Variants in CNTN4 observed in about 807,000 individuals in gnomAD.
CNTN4 encodes the protein contactin 4.
In CNTN4, 77 loss-of-function variants were observed where a neutral mutation model predicts 122.5. The ratio of observed to expected loss-of-function variants is 0.63; its 90% confidence interval spans 0.52 to 0.76. CNTN4 has a LOEUF of 0.76. Among genes scored for constraint, CNTN4 ranks in the 30% least tolerant of loss-of-function variants. The probability of loss-of-function intolerance (pLI) is 0.00; values close to 1 mark genes in which losing one functional copy is unlikely to be tolerated. For synonymous variants in CNTN4, 512 were observed against 447.0 expected, an observed-to-expected ratio of 1.15 and a Z score of -1.83; for missense variants, 1,256 against 1,259.1, an observed-to-expected ratio of 1.00 and a Z score of 0.04.
At chr3:3,003,384 A>G (rs945776088) in intron 14 of CNTN4, among the ~76,000 whole-genome samples, 1 of 152,190 alleles carries the variant, frequency 6.6e-6, no homozygotes, top group Non-Finnish European at 1.5e-5. Flanking sequence ...TGGTGTATCC[A>G]TACAATGGAC....
At chr3:2,786,700 A>G (rs924734173) in intron 6 of CNTN4, among the ~76,000 whole-genome samples, 2 of 152,340 alleles carry the variant, frequency 1.3e-5, no homozygotes, top group East Asian at 3.9e-4. Context: ...ATTTTTTTAA[A>G]AAGCTTCTAC....
At chr3:2,326,330 A>T (rs1365946792) in intron 2 of CNTN4, among the ~76,000 whole-genome samples, 1 of 152,138 alleles carries the variant, frequency 6.6e-6, no homozygotes. Context: ...CAGACTGGAA[A>T]TACAGCATCT....
chr3:2,624,366 A>C (rs891982357), intron 4 of CNTN4, among the ~76,000 whole-genome samples: 26 of 152,120 alleles, frequency 1.7e-4, no homozygotes, highest in Non-Finnish European at 3.4e-4. Flanking sequence ...AGAAAGCTTG[A>C]GAGAGAAAAA....
chr3:2,673,025 A>G (rs1442547346), intron 4 of CNTN4, among the ~76,000 whole-genome samples: 1 of 152,196 alleles, frequency 6.6e-6, no homozygotes, highest in Non-Finnish European at 1.5e-5. Context: ...CCGGTTTCCA[A>G]AATATTTTTG....
intron 6 of CNTN4, among the ~76,000 whole-genome samples, chr3:2,816,561 G>C (rs889672040): frequency 6.6e-6 from 1 of 151,568 alleles, no homozygotes; most frequent in Non-Finnish European, 1.5e-5. Context: ...GGTGACTCAT[G>C]CCTGTAATTC....
intron 12 of CNTN4, among the ~76,000 whole-genome samples, chr3:2,911,708 A>T (rs1418490483): frequency 3.0e-5 from 4 of 132,682 alleles, no homozygotes; most frequent in Admixed American, 7.8e-5. Flanking sequence ...TGCATGAACA[A>T]AATGAGAGTA....
intron 2 of CNTN4, among the ~76,000 whole-genome samples, chr3:2,158,934 C>T (rs951329492): frequency 2.0e-5 from 3 of 152,098 alleles, no homozygotes; most frequent in Admixed American, 2.0e-4. Context: ...GTGTAAGCAT[C>T]GTTGGTGGGC....
At chr3:2,735,129 G>A (rs942969070) in intron 4 of CNTN4, among the ~76,000 whole-genome samples, 25 of 152,166 alleles carry the variant, frequency 1.6e-4, no homozygotes, top group African/African-American at 5.8e-4. Flanking sequence ...GGAAAATAAA[G>A]TGTACTCTAT....
At chr3:2,251,670 A>G (rs997533243) in intron 2 of CNTN4, among the ~76,000 whole-genome samples, 3 of 151,866 alleles carry the variant, frequency 2.0e-5, no homozygotes, top group Non-Finnish European at 2.9e-5. Context: ...GTAGTCTCTT[A>G]GGGTGGCATG....
chr3:2,633,090 A>T (rs112876603), intron 4 of CNTN4, among the ~76,000 whole-genome samples: 2,151 of 151,838 alleles, frequency 0.014, 63 homozygotes, highest in African/African-American at 0.049. Flanking sequence ...GATTTTTATA[A>T]ATAGTCTTCT....
chr3:2,570,243 G>A (rs1023452581), intron 3 of CNTN4, among the ~76,000 whole-genome samples: 5 of 151,762 alleles, frequency 3.3e-5, no homozygotes, highest in African/African-American at 1.2e-4. Context: ...GAGTGATTAT[G>A]GCTCACTGCA....
At chr3:2,485,762 C>T (rs988880712) in intron 3 of CNTN4, among the ~76,000 whole-genome samples, 12 of 152,144 alleles carry the variant, frequency 7.9e-5, no homozygotes, top group African/African-American at 2.9e-4. Flanking sequence ...AATCAGTGCT[C>T]TGTGTCTAGC....
At chr3:2,784,280 C>A (rs2091722709) in intron 6 of CNTN4, among the ~76,000 whole-genome samples, 1 of 152,166 alleles carries the variant, frequency 6.6e-6, no homozygotes, top group African/African-American at 2.4e-5. Flanking sequence ...TGTGTTCTCC[C>A]TTACCGCCTA....
chr3:2,670,855 C>A (rs2084469433), intron 4 of CNTN4, among the ~76,000 whole-genome samples: 1 of 152,148 alleles, frequency 6.6e-6, no homozygotes, highest in Admixed American at 6.5e-5. Context: ...ACTTATGAAG[C>A]TTAGTTTGGC....
chr3:2,787,490 A>T (rs1480586232), intron 6 of CNTN4, among the ~76,000 whole-genome samples: 1 of 152,238 alleles, frequency 6.6e-6, no homozygotes, highest in Non-Finnish European at 1.5e-5. Flanking sequence ...TACCGGAATT[A>T]TTGCTATAAA....
intron 2 of CNTN4, among the ~76,000 whole-genome samples, chr3:2,116,014 G>C (rs2033325804): frequency 6.6e-6 from 1 of 152,110 alleles, no homozygotes; most frequent in African/African-American, 2.4e-5. Context: ...TTTCTCGAAG[G>C]TGCTTTATAG....
intron 7 of CNTN4, among the ~76,000 whole-genome samples, chr3:2,840,141 C>G (rs568968941): frequency 1.4e-4 from 21 of 152,226 alleles, no homozygotes; most frequent in Admixed American, 1.2e-3. Context: ...CATTTGCAGT[C>G]CTTCCAGCCA....
chr3:2,672,438 T>G (rs1032786995), intron 4 of CNTN4, among the ~76,000 whole-genome samples: 1 of 152,202 alleles, frequency 6.6e-6, no homozygotes, highest in African/African-American at 2.4e-5. Flanking sequence ...ATCTCCTGGT[T>G]TGCTGTTTTC....
chr3:2,566,847 C>G (rs1273139306), intron 3 of CNTN4, among the ~76,000 whole-genome samples: 1 of 152,132 alleles, frequency 6.6e-6, no homozygotes, highest in Non-Finnish European at 1.5e-5. Context: ...CCCACTCTGT[C>G]TTGCTGCTAT....
Sources: allele counts gnomAD v4.1 joint callset (sites outside exome capture counted in the v4.1 genomes callset), GRCh38; gene constraint gnomAD v4.1.1; transcripts MANE v1.5; gene names NCBI Gene and HGNC (gene_info 2026-07-23, HGNC 2026-07-21).